Variants in CDH18 observed in about 807,000 individuals in gnomAD.
The protein encoded by CDH18 is cadherin 18, also known as cadherin-18.
In CDH18, 31 loss-of-function variants were observed where a neutral mutation model predicts 67.9. That is an observed-to-expected ratio of 0.46 (90% CI 0.34 to 0.62). CDH18 has a LOEUF of 0.62. Among genes scored for constraint, CDH18 ranks in the 20% least tolerant of loss-of-function variants. The pLI is 0.01. For missense variants in CDH18, 890 were observed against 975.5 expected (o/e 0.91, Z 1.17); for synonymous variants, 362 against 347.2 (o/e 1.04, Z -0.48).
chr5:20,181,615 T>G (rs571005315), intron 2 of CDH18, among the ~76,000 whole-genome samples: 5 of 152,254 alleles, frequency 3.3e-5, no homozygotes, highest in South Asian at 4.1e-4. Context: ...TGATACGCAG[T>G]AACATAGATA....
At chr5:20,570,498 T>TTAACCTATGAGTGACATTAG (rs1445268596) in intron 1 of CDH18, among the ~76,000 whole-genome samples, 1 of 152,192 alleles carries the variant, frequency 6.6e-6, no homozygotes, top group African/African-American at 2.4e-5. Context: ...TGGATAACTT[T>TTAACCTATGAGTGACATTAG]TAACCTATGA....
At chr5:20,502,787 G>A (rs1395727553) in intron 1 of CDH18, among the ~76,000 whole-genome samples, 2 of 152,098 alleles carry the variant, frequency 1.3e-5, no homozygotes, top group African/African-American at 4.8e-5. Context: ...CCAAAGAAAA[G>A]GAAGAACCAG....
intron 2 of CDH18, among the ~76,000 whole-genome samples, chr5:20,159,400 T>G (rs1050216971): frequency 6.6e-6 from 1 of 152,164 alleles, no homozygotes; most frequent in Non-Finnish European, 1.5e-5. Flanking sequence ...GATGAAAATC[T>G]CTTCCCATTT....
chr5:19,728,085 T>C (rs1222525292), intron 4 of CDH18, among the ~76,000 whole-genome samples: 1 of 152,152 alleles, frequency 6.6e-6, no homozygotes, highest in African/African-American at 2.4e-5. Flanking sequence ...AATGAAAATA[T>C]ATATTGTCTA....
At chr5:20,246,437 C>A (rs1451222130) in intron 2 of CDH18, among the ~76,000 whole-genome samples, 4 of 152,116 alleles carry the variant, frequency 2.6e-5, no homozygotes, top group Non-Finnish European at 5.9e-5. Context: ...TTTTAAATAG[C>A]AGATCTGTTG....
chr5:20,546,477 G>A (rs1027761375), intron 1 of CDH18, among the ~76,000 whole-genome samples: 13 of 152,134 alleles, frequency 8.5e-5, no homozygotes, highest in Non-Finnish European at 1.9e-4. Flanking sequence ...ATGGATGGGA[G>A]GCCTCAGGAA....
intron 1 of CDH18, among the ~76,000 whole-genome samples, chr5:20,299,424 AC>A (rs1747783770): frequency 6.6e-6 from 1 of 151,328 alleles, no homozygotes; most frequent in African/African-American, 2.4e-5. Flanking sequence ...ACACACACAC[AC>A]ACACACACAC....
chr5:19,708,940 CTCAGCA>C lies in CDH18; in HGVS notation c.643+12401_643+12406del, dbSNP rs1393495912. 4.6e-5 allele frequency among the ~76,000 whole-genome samples: 7 copies of C among 152,080 alleles called. No homozygotes were observed. In the South Asian group the frequency reaches 1.5e-3, roughly 32 times the overall value. On this transcript the variant is annotated intron_variant, in intron 5 of 12. Transcript: ENST00000382275. The stretch of plus-strand genomic sequence containing the variant: ...TTAGGGACTCCATGACCGAGCTGGT[CTCAGCA>C]TCAGCGAGACAAGATGGTGCCACTG...
chr5:19,980,784 G>A (rs577594999), intron 2 of CDH18, among the ~76,000 whole-genome samples: 10 of 152,186 alleles, frequency 6.6e-5, no homozygotes, highest in Admixed American at 2.0e-4. Context: ...CTACAGTTGC[G>A]TATTCCATTG....
intron 1 of CDH18, among the ~76,000 whole-genome samples, chr5:20,388,226 T>A (rs973071996): frequency 1.4e-4 from 21 of 152,324 alleles, no homozygotes; most frequent in Non-Finnish European, 2.6e-4. Flanking sequence ...AAGCTATTAA[T>A]TATTGCCTCA....
At chr5:19,788,652 T>C (rs959812980) in intron 3 of CDH18, among the ~76,000 whole-genome samples, 7 of 152,180 alleles carry the variant, frequency 4.6e-5, no homozygotes, top group African/African-American at 1.2e-4. Flanking sequence ...ATTGACAAGA[T>C]TGATGTCCAG....
intron 1 of CDH18, among the ~76,000 whole-genome samples, chr5:20,340,251 A>G (rs1740145193): frequency 6.6e-6 from 1 of 152,184 alleles, no homozygotes; most frequent in African/African-American, 2.4e-5. Flanking sequence ...CCAGTTAGAC[A>G]AGTTGTCAGG....
intron 5 of CDH18, among the ~76,000 whole-genome samples, chr5:19,686,589 G>C (rs1222951050): frequency 2.0e-5 from 3 of 152,128 alleles, no homozygotes; most frequent in East Asian, 3.9e-4. Context: ...GGATGCAGTT[G>C]TCTGTGTTCA....
chr5:19,673,218 G>T (rs1218044560), intron 5 of CDH18, among the ~76,000 whole-genome samples: 2 of 152,152 alleles, frequency 1.3e-5, no homozygotes, highest in Middle Eastern at 3.4e-3. Flanking sequence ...ACTAGGAATT[G>T]TCAGGTTAAA....
intron 2 of CDH18, among the ~76,000 whole-genome samples, chr5:20,022,130 A>C (rs992102878): frequency 4.6e-5 from 7 of 152,150 alleles, no homozygotes; most frequent in Non-Finnish European, 8.8e-5. Context: ...GTTTCACTGA[A>C]AACCTTACCT....
chr5:19,966,507 C>T lies in CDH18; in HGVS notation c.-257+14553G>A, dbSNP rs191383697. ...GGTTATTTTCTTCTATATACAATAC[C>T]TGAAGCATGGAGATGATATATTTAG... is the stretch of plus-strand genomic sequence containing the variant. On this transcript the variant is annotated intron_variant, in intron 2 of 12. Coordinates refer to ENST00000382275, the MANE Select transcript of CDH18 (RefSeq NM_004934.5). Among the ~76,000 whole-genome samples, 334 of 152,080 alleles carry T rather than the reference C, an allele frequency of 2.2e-3. 1 individual carries two copies. Among genetic ancestry groups the T allele is most frequent in the African/African-American group, 7.6e-3 (317 of 41,508 alleles).
chr5:19,596,846 A>G (rs1467405089), intron 6 of CDH18, among the ~76,000 whole-genome samples: 1 of 152,196 alleles, frequency 6.6e-6, no homozygotes, highest in African/African-American at 2.4e-5. Context: ...AATATTTTGT[A>G]CACTCTCCAT....
At chr5:20,474,637 C>G (rs58026764) in intron 1 of CDH18, among the ~76,000 whole-genome samples, 8,358 of 152,136 alleles carry the variant, frequency 0.055, 760 homozygotes, top group African/African-American at 0.19. Flanking sequence ...AAATGAATGT[C>G]TAAAAAGAAA....
intron 1 of CDH18, among the ~76,000 whole-genome samples, chr5:20,558,237 G>A (rs898790407): frequency 6.6e-6 from 1 of 151,966 alleles, no homozygotes; most frequent in Non-Finnish European, 1.5e-5. Context: ...CACAGAATAG[G>A]ACAAAGAGGT....
Sources: allele counts gnomAD v4.1 joint callset (sites outside exome capture counted in the v4.1 genomes callset), GRCh38; gene constraint gnomAD v4.1.1; transcripts MANE v1.5; gene names NCBI Gene and HGNC (gene_info 2026-07-23, HGNC 2026-07-21).